RGS19: variants seen among roughly 807,000 people sequenced by gnomAD.
The protein encoded by RGS19 is G alpha interacting protein.
In RGS19, 9 loss-of-function variants were observed where a neutral mutation model predicts 22.0. The observed-to-expected ratio is 0.41, with a 90% CI of 0.25 to 0.71. The LOEUF is 0.71. Ranked by LOEUF, RGS19 falls within the 30% of genes least tolerant of loss-of-function variation. The pLI, the probability that RGS19 is intolerant of heterozygous loss-of-function variation, is 0.32. For missense variants in RGS19, 256 were observed against 307.1 expected (o/e 0.83, Z 1.24); for synonymous variants, 130 against 127.3 (o/e 1.02, Z -0.14).
chr20:64,076,921 A>C lies in RGS19; in HGVS notation c.-35T>G. The C allele has an allele frequency of 6.7e-7, 1 of 1,500,510 alleles. No individual in the cohort carries two copies. 92.9% of individuals were successfully genotyped at this position (1,500,510 alleles called of 1,614,324 possible). A position where few individuals can be genotyped will look rare whatever the true frequency, so the allele number is the denominator to read the frequency against. On this transcript the variant is annotated 5_prime_UTR_variant, in exon 2 of 6. Coordinates refer to ENST00000395042, the MANE Select transcript of RGS19 (RefSeq NM_005873.3). Reference sequence around the variant, plus strand: ...GAGGAGGTTGCCCAGGCTCCGTGGTACCAGCTCTCAGACCCTCACCACAGC... The same window carrying C: ...GAGGAGGTTGCCCAGGCTCCGTGGTCCCAGCTCTCAGACCCTCACCACAGC...
In RGS19 at chr20:64,074,167, C is replaced by T. The variant is rs112924129; in HGVS notation, c.439G>A (p.Val147Ile). 3.5e-5 allele frequency: 56 copies of T among 1,613,786 alleles called. No individual in the cohort carries two copies. In the African/African-American group the frequency reaches 4.8e-4, roughly 14 times the overall value. The change falls in exon 5 of 6, where the codon GTA becomes ATA. Residue 147 changes from valine (V) to isoleucine (I), a missense_variant. By Grantham distance (29) the Val-to-Ile change is conservative. Transcript: ENST00000395042. ...ACCTCCTTGGGGGACAGGATGGATA[C>T]GTAGTCCTCGTAGATGAGCCTCGCC... ...EKARLIYEDY[V>I]SILSPKEVSL... is the part of the protein sequence containing the mutation.
intron 3 of RGS19, 64 bp from the exon 4 acceptor site, chr20:64,074,605 C>A: frequency 6.9e-6 from 10 of 1,456,166 alleles, no homozygotes; most frequent in Non-Finnish European, 9.3e-6. Flanking sequence ...CACAGGCCCT[C>A]AGCACATGGG....
intron 1 of RGS19, among the ~76,000 whole-genome samples, chr20:64,077,212 C>T (rs992108821): frequency 6.6e-6 from 1 of 152,120 alleles, no homozygotes; most frequent in Non-Finnish European, 1.5e-5. Flanking sequence ...ACTGGAGGTT[C>T]CGAGACACCC....
At chr20:64,076,785 T>C in intron 2 of RGS19, 72 bp downstream of exon 2, 3 of 1,558,464 alleles carry the variant, frequency 1.9e-6, no homozygotes, top group Non-Finnish European at 2.6e-6. Context: ...ATCTCCCAGC[T>C]CCTTGTGGCC....
intron 1 of RGS19, among the ~76,000 whole-genome samples, chr20:64,078,224 A>G (rs1250193455): frequency 6.6e-6 from 1 of 152,272 alleles, no homozygotes; most frequent in Non-Finnish European, 1.5e-5. Flanking sequence ...GCCCTGGCCC[A>G]AGTCTGGGGC....
intron 1 of RGS19, among the ~76,000 whole-genome samples, chr20:64,078,798 C>T (rs535688259): frequency 1.2e-4 from 18 of 152,212 alleles, no homozygotes; most frequent in African/African-American, 4.1e-4. Context: ...GTCAACCTGG[C>T]ATTGGGGACC....
chr20:64,073,715 C>A lies in RGS19; in HGVS notation c.*138G>T. The A allele has an allele frequency of 1.4e-6, 1 of 733,086 alleles. No homozygotes were observed. The allele number at this position is 733,086 out of a possible 1,614,324, so 45.4% of individuals were successfully genotyped here. On this transcript the variant is annotated 3_prime_UTR_variant, in exon 6 of 6. Transcript: ENST00000395042. ...GACCCAGGAGACACAGCACTCCCCACTGGGTCTAGGACCGTCTCCGCGGGT... is the reference window on the plus strand; with the variant it reads ...GACCCAGGAGACACAGCACTCCCCAATGGGTCTAGGACCGTCTCCGCGGGT...
chr20:64,077,775 C>T (rs1329873156), intron 1 of RGS19, among the ~76,000 whole-genome samples: 1 of 152,174 alleles, frequency 6.6e-6, no homozygotes, highest in Non-Finnish European at 1.5e-5. Flanking sequence ...CATTTGGTTG[C>T]ACCGTCTGCA....
At position 64,074,059 on chromosome 20, in the gene RGS19, A is replaced by T. The variant is rs2059881040; in HGVS notation, c.463-15T>A. The stretch of plus-strand genomic sequence containing the variant: ...TCCAGGCTCACCTGCAGGACAAGAC[A>T]CTGAGGTCAGGGGGTGCGGGAGCTG... On this transcript the variant is annotated splice_polypyrimidine_tract_variant and intron_variant, in intron 5 of 5. Coordinates refer to ENST00000395042, the MANE Select transcript of RGS19 (RefSeq NM_005873.3). 5.0e-6 allele frequency: 8 copies of T among 1,607,130 alleles called. No individual in the cohort carries two copies. Among genetic ancestry groups the T allele is most frequent in the Non-Finnish European group, 6.8e-6 (8 of 1,174,906 alleles).
Position 64,076,600 on chromosome 20 carries a change from T to C in RGS19, c.77A>G (p.His26Arg). The change falls in exon 3 of 6, where the codon CAT (histidine) becomes CGT (arginine). Residue 26 changes from histidine to arginine, a missense_variant. Coordinates refer to ENST00000395042, the MANE Select transcript of RGS19 (RefSeq NM_005873.3). ...GGGGGCCGCTGGAGAGGCTGTATCATGACTGGACATTGAAGGGGGCCGGTC... is the reference window on the plus strand; with the variant it reads ...GGGGGCCGCTGGAGAGGCTGTATCACGACTGGACATTGAAGGGGGCCGGTC... Reference protein sequence around the residue: ...EADRPPSMSSHDTASPAAPSR... With the variant: ...EADRPPSMSSRDTASPAAPSR... 1 of 1,611,062 alleles carries C rather than the reference T, an allele frequency of 6.2e-7. No homozygotes were observed.
At position 64,073,896 on chromosome 20, in the gene RGS19, G is replaced by A. The variant is rs748079839; in HGVS notation, c.611C>T (p.Ala204Val). Residue 204 changes from alanine (A) to valine (V), a missense_variant, in exon 6 of 6, where the codon GCC becomes GTC. Ala to Val is a moderately conservative substitution (Grantham distance 64). Transcript: ENST00000395042. ...CTGTGATGGCCCCTGCAGCAGCAGG[G>A]CACGGTAGGTGGGAGAGCTGAGGAA... The part of the protein sequence containing the change: ...PRFLSSPTYR[A>V]LLLQGPSQSS... 2.4e-5 allele frequency: 39 copies of A among 1,613,330 alleles called. 1 individual carries two copies. The highest frequency in any genetic ancestry group is 3.3e-5 in the Non-Finnish European group (39 of 1,179,772).
At position 64,073,633 on chromosome 20, in the gene RGS19, C is replaced by T. The variant is rs1192974535; in HGVS notation, c.*220G>A. On this transcript the variant is annotated 3_prime_UTR_variant, in exon 6 of 6. Coordinates refer to ENST00000395042, the MANE Select transcript of RGS19 (RefSeq NM_005873.3). ...GGCCGATGAGGGGGCTTCTGGCCCG[C>T]CCTGCACCTGGAGGCCCGCCCTGCA... is the stretch of plus-strand genomic sequence containing the variant. 3 of 507,868 alleles carry T rather than the reference C, an allele frequency of 5.9e-6. No homozygotes were observed. Among genetic ancestry groups the T allele is most frequent in the Non-Finnish European group, 1.1e-5 (3 of 281,466 alleles). The allele number at this position is 507,868 out of a possible 1,614,324, so 31.5% of individuals were successfully genotyped here. A position where few individuals can be genotyped will look rare whatever the true frequency, so the allele number is the denominator to read the frequency against.
At chr20:64,078,085 G>T (rs1420227730) in intron 1 of RGS19, among the ~76,000 whole-genome samples, 3 of 152,220 alleles carry the variant, frequency 2.0e-5, no homozygotes, top group Non-Finnish European at 4.4e-5. Flanking sequence ...TTGAATGCTT[G>T]TTTCTGGCTG....
At chr20:64,077,869 C>T (rs1336875749) in intron 1 of RGS19, among the ~76,000 whole-genome samples, 2 of 152,162 alleles carry the variant, frequency 1.3e-5, no homozygotes, top group South Asian at 2.1e-4. Flanking sequence ...TCTCCTTGGG[C>T]GATGGTACAG....
At chr20:64,076,804 T>C (rs2059909159) in intron 2 of RGS19, 53 bp downstream of exon 2, 8 of 1,572,688 alleles carry the variant, frequency 5.1e-6, no homozygotes. Context: ...CCCCTCAGCT[T>C]GCCCCACCCC....
At position 64,076,902 on chromosome 20, in the gene RGS19, GT is replaced by G. The variant is rs1179657776; in HGVS notation, c.-17del. 6.6e-7 allele frequency: 1 copy of G among 1,519,214 alleles called. No individual in the cohort carries two copies. 94.1% of individuals were successfully genotyped at this position (1,519,214 alleles called of 1,614,324 possible). ...GGGTGGGCATGGGTGGGCGGAGGAG[GT>G]TGCCCAGGCTCCGTGGTACCAGCTC... is the stretch of plus-strand genomic sequence containing the variant. On this transcript the variant is annotated 5_prime_UTR_variant, in exon 2 of 6. Coordinates refer to ENST00000395042, the MANE Select transcript of RGS19 (RefSeq NM_005873.3).
rs749086298 is a variant in RGS19 at position 64,076,859 on chromosome 20, G to T, written c.28C>A (p.Gln10Lys). ...AGGCAGAGGGGGAGGTGGCATACCT[G>T]CTTCTCAGCCTCATGCGGGGTGGGC... Reference protein sequence around the residue: MPTPHEAEKQITGPEEADRP... With the variant: MPTPHEAEKKITGPEEADRP... The change falls in exon 2 of 6, where the codon CAG becomes AAG. Residue 10 changes from glutamine (Q) to lysine (K), a missense_variant and splice_region_variant. Gln to Lys is a moderately conservative substitution (Grantham distance 53). Transcript: ENST00000395042. 9 of 1,563,390 alleles carry T rather than the reference G, an allele frequency of 5.8e-6. No homozygotes were observed. The highest frequency in any genetic ancestry group is 6.9e-6 in the Non-Finnish European group (8 of 1,163,024).
Position 64,073,926 on chromosome 20 carries a change from G to A in RGS19, c.581C>T (p.Pro194Leu). Residue 194 changes from proline (P) to leucine (L), a missense_variant, in exon 6 of 6, where the codon CCC (proline) becomes CTC (leucine). Transcript: ENST00000395042. ...GTAGGTGGGAGAGCTGAGGAAGCGGGGGTAGGAGTCCCGGTGCATGAGCGT... is the reference window on the plus strand; with the variant it reads ...GTAGGTGGGAGAGCTGAGGAAGCGGAGGTAGGAGTCCCGGTGCATGAGCGT... ...IYTLMHRDSY[P>L]RFLSSPTYRA... 2.5e-6 allele frequency: 4 copies of A among 1,613,744 alleles called. No individual in the cohort carries two copies. The highest frequency in any genetic ancestry group is 3.4e-6 in the Non-Finnish European group (4 of 1,179,852).
In RGS19 at chr20:64,073,813, G is replaced by A. The variant is rs748542468; in HGVS notation, c.*40C>T. The A allele has an allele frequency of 1.2e-5, 18 of 1,534,126 alleles. No individual in the cohort carries two copies. The highest frequency in any genetic ancestry group is 1.5e-5 in the Non-Finnish European group (17 of 1,129,912). On this transcript the variant is annotated 3_prime_UTR_variant, in exon 6 of 6. Coordinates refer to ENST00000395042, the MANE Select transcript of RGS19 (RefSeq NM_005873.3). The stretch of plus-strand genomic sequence containing the variant: ...CAACACCTGAAGGGAACCCAGAGTC[G>A]GCCGTAGGAGGCGGCGGGGTCTGTG...
Sources: allele counts gnomAD v4.1 joint callset (sites outside exome capture counted in the v4.1 genomes callset), GRCh38; gene constraint gnomAD v4.1.1; transcripts MANE v1.5; gene names NCBI Gene and HGNC (gene_info 2026-07-23, HGNC 2026-07-21).